The following ANAPC2 variants were observed in gnomAD, a reference collection of about 807,000 sequenced individuals.
The protein encoded by ANAPC2 is anaphase-promoting complex subunit 2.
ANAPC2 carries 29 observed loss-of-function variants against 84.3 expected under a neutral mutation model. The ratio of observed to expected loss-of-function variants is 0.34; its 90% CI spans 0.26 to 0.47. The LOEUF (loss-of-function observed/expected upper bound fraction) is 0.47. ANAPC2 is among the 20% of genes least tolerant of loss of function. The pLI, the probability that ANAPC2 is intolerant of heterozygous loss-of-function variation, is 1.00. For missense variants in ANAPC2, 857 were observed against 1,131.7 expected, an observed-to-expected ratio of 0.76 and a Z score of 3.48; for synonymous variants, 571 against 479.4, an observed-to-expected ratio of 1.19 and a Z score of -2.50.
At position 137,174,914 on chromosome 9, in the gene ANAPC2, G is replaced by A. The variant is rs776118220; in HGVS notation, c.*28C>T. The A allele has an allele frequency of 2.6e-5, 37 of 1,400,090 alleles. No homozygotes were observed. Among genetic ancestry groups the A allele is most frequent in the Non-Finnish European group, 3.4e-5 (37 of 1,072,800 alleles). The allele number at this position is 1,400,090 out of a possible 1,614,324, so 86.7% of individuals were successfully genotyped here. On this transcript the variant is annotated 3_prime_UTR_variant, in exon 13 of 13. Coordinates refer to ENST00000323927, the MANE Select transcript of ANAPC2 (RefSeq NM_013366.4). This position sits in a 1 kb window ranked among gnomAD's most constrained non-coding sequence, Gnocchi z 6.1. ...GAGAGCACCTGCAGGGCAGCGCCTG[G>A]CGGGCGGGCGGGCGGGCGGGCGATG...
At chr9:137,179,318 G>A (rs370625545) in intron 10 of ANAPC2, among the ~76,000 whole-genome samples, 6 of 152,016 alleles carry the variant, frequency 3.9e-5, no homozygotes, top group East Asian at 1.9e-4. Context: ...CCTGGAACCC[G>A]CCTGTGACGA....
chr9:137,180,672 G>C (rs1445179081), intron 8 of ANAPC2, 116 bp downstream of exon 8: 7 of 1,563,460 alleles, frequency 4.5e-6, no homozygotes, highest in Admixed American at 1.7e-5. Context: ...GCCAGGAGTG[G>C]GGGCGGAAGC....
At chr9:137,185,560 C>T (rs1834447645) in intron 3 of ANAPC2, among the ~76,000 whole-genome samples, 1 of 152,240 alleles carries the variant, frequency 6.6e-6, no homozygotes, top group African/African-American at 2.4e-5. Flanking sequence ...TTCACCCTCT[C>T]CACCCTACTA....
rs781239263 is a variant in ANAPC2 at position 137,175,752 on chromosome 9, A to G, written c.1976T>C (p.Val659Ala). Reference sequence around the variant, plus strand: ...CAAGATCACCGCCTGTACTGGGGTGACCGCCACAGACAGCGTGCGGTCGGC... The same window carrying G: ...CAAGATCACCGCCTGTACTGGGGTGGCCGCCACAGACAGCGTGCGGTCGGC... ...ELADRTLSVA[V>A]TPVQAVILLY... is the part of the protein sequence containing the mutation. Residue 659 changes from valine (V) to alanine (A), a missense_variant, in exon 11 of 13, where the codon GTC becomes GCC. Coordinates refer to ENST00000323927, the MANE Select transcript of ANAPC2 (RefSeq NM_013366.4). 6.2e-7 allele frequency: 1 copy of G among 1,611,832 alleles called. No homozygotes were observed. Among genetic ancestry groups the G allele is most frequent in the African/African-American group, 1.3e-5 (1 of 75,040 alleles).
At chr9:137,185,592 G>A (rs909529172) in intron 3 of ANAPC2, among the ~76,000 whole-genome samples, 3 of 152,194 alleles carry the variant, frequency 2.0e-5, no homozygotes, top group African/African-American at 7.2e-5. Context: ...CCACCGCTTT[G>A]GGGACACCCT....
At chr9:137,182,067 C>T (rs1483131281) in intron 6 of ANAPC2, among the ~76,000 whole-genome samples, 4 of 152,164 alleles carry the variant, frequency 2.6e-5, no homozygotes. Context: ...GCAGGAGCTG[C>T]GAGCGCAAGG....
intron 10 of ANAPC2, among the ~76,000 whole-genome samples, chr9:137,179,145 C>T (rs1324191701): frequency 6.6e-6 from 1 of 152,200 alleles, no homozygotes; most frequent in African/African-American, 2.4e-5. Context: ...TGGACCATCC[C>T]CTTCCTGGGG....
chr9:137,187,171 C>T (rs1441054235), intron 2 of ANAPC2: 14 of 369,382 alleles, frequency 3.8e-5, no homozygotes, highest in Middle Eastern at 1.5e-3. Context: ...TCCCCAGGAT[C>T]GACAAAAGGC....
chr9:137,179,710 G>T (rs370080282), intron 10 of ANAPC2, among the ~76,000 whole-genome samples: 1 of 152,268 alleles, frequency 6.6e-6, no homozygotes, highest in East Asian at 1.9e-4. Context: ...CCTGGAGAAG[G>T]GGGCAGGGCT....
In ANAPC2 at chr9:137,186,213, G is replaced by A. The variant is rs368159282; in HGVS notation, c.873+11C>T. 3.4e-5 allele frequency: 55 copies of A among 1,611,984 alleles called. No homozygotes were observed. In the African/African-American group the frequency reaches 7.2e-4, roughly 21 times the overall value. On this transcript the variant is annotated intron_variant, in intron 3 of 12. Coordinates refer to ENST00000323927, the MANE Select transcript of ANAPC2 (RefSeq NM_013366.4). ...CTCCAGCGGGGCACAGCCCAAGGGA[G>A]GGGTCCTCACCTTGTGGAACTCACG...
chr9:137,186,390 G>A, intron 2 of ANAPC2, 34 bp from the exon 3 acceptor site: 1 of 1,561,974 alleles, frequency 6.4e-7, no homozygotes, highest in East Asian at 2.4e-5. Context: ...GGCACCCAGA[G>A]CACACACCGG....
intron 3 of ANAPC2, among the ~76,000 whole-genome samples, chr9:137,185,361 G>A (rs1184349228): frequency 2.0e-5 from 3 of 152,228 alleles, no homozygotes; most frequent in Non-Finnish European, 2.9e-5. Context: ...CGTGAGACAT[G>A]ACAGACACAC....
Position 137,174,953 on chromosome 9 carries a change from T to C in ANAPC2, c.2458A>G (p.Asn820Asp). 1 of 1,575,650 alleles carries C rather than the reference T, an allele frequency of 6.3e-7. No individual in the cohort carries two copies. The highest frequency in any genetic ancestry group is 1.8e-5 in the Admixed American group (1 of 56,720). The change falls in exon 13 of 13, where the codon AAC becomes GAC. Residue 820 changes from asparagine (N) to aspartate (D), a missense_variant. Physicochemically the swap from Asn to Asp is conservative, Grantham distance 23. Coordinates refer to ENST00000323927, the MANE Select transcript of ANAPC2 (RefSeq NM_013366.4). This position sits in a 1 kb window ranked among gnomAD's most constrained non-coding sequence, Gnocchi z 6.1. The part of the protein sequence containing the change: ...YSAGVYRLPK[N>D]CS ...GGGCGGGCGATGTGTCAGCTGCAGT[T>C]CTTGGGCAGGCGGTAGACGCCGGCC... is the stretch of plus-strand genomic sequence containing the variant.
At chr9:137,186,886 T>TCCTTTAGTCCA (rs202120967) in intron 2 of ANAPC2, 4 of 163,522 alleles carry the variant, frequency 2.4e-5, no homozygotes, top group Admixed American at 2.3e-4. Context: ...AAAGGAGCAC[T>TCCTTTAGTCCA]CCTTTAGTCC....
chr9:137,176,078 A>G (rs1328203021), intron 10 of ANAPC2: 2 of 448,196 alleles, frequency 4.5e-6, no homozygotes, highest in African/African-American at 3.2e-5. Context: ...GGGCCTCCTG[A>G]CCCCCAGTGC....
Position 137,180,173 on chromosome 9 carries a change from G to A in ANAPC2, c.1890+8C>T. On this transcript the variant is annotated splice_region_variant and intron_variant, in intron 10 of 12. Transcript: ENST00000323927. ...AAGAGCCCATGGGGTGGCCTGGCAT[G>A]GAGGTACCTTGAGCTGCTCATACTT... 13 of 1,612,406 alleles carry A rather than the reference G, an allele frequency of 8.1e-6. No individual in the cohort carries two copies. Among genetic ancestry groups the A allele is most frequent in the Non-Finnish European group, 1.1e-5 (13 of 1,179,278 alleles).
At chr9:137,183,593 G>A (rs369659361) in intron 5 of ANAPC2, 79 bp downstream of exon 5, 6 of 1,537,006 alleles carry the variant, frequency 3.9e-6, no homozygotes, top group East Asian at 2.3e-5. Context: ...TGGCAGACTA[G>A]GCCCCAGGCT....
chr9:137,185,504 C>T (rs1834445961), intron 3 of ANAPC2, among the ~76,000 whole-genome samples: 1 of 152,212 alleles, frequency 6.6e-6, no homozygotes, highest in Non-Finnish European at 1.5e-5. Context: ...CCCAGGCGTG[C>T]TCATGCCCCA....
At chr9:137,176,015 C>A in intron 10 of ANAPC2, 178 bp from the exon 11 acceptor site, 1 of 683,820 alleles carries the variant, frequency 1.5e-6, no homozygotes, top group Non-Finnish European at 2.3e-6. Flanking sequence ...GCTCAGCCAC[C>A]ATGGAAGGGC....
Sources: allele counts gnomAD v4.1 joint callset (sites outside exome capture counted in the v4.1 genomes callset), GRCh38; gene constraint gnomAD v4.1.1; non-coding constraint Gnocchi (gnomAD v3.1); transcripts MANE v1.5; gene names NCBI Gene and HGNC (gene_info 2026-07-23, HGNC 2026-07-21).